Variants in PTCHD4 observed in about 807,000 individuals in gnomAD.
PTCHD4 encodes patched domain containing 4.
Under a neutral mutation model 58.1 loss-of-function variants are expected in PTCHD4, and 33 were observed. That is an observed-to-expected ratio of 0.57 (90% CI 0.43 to 0.76). The LOEUF (loss-of-function observed/expected upper bound fraction) is 0.76, where lower values mean the gene tolerates loss of function less well. PTCHD4 is among the 30% of genes least tolerant of loss of function. The probability of loss-of-function intolerance (pLI) is 0.00; values close to 1 mark genes in which losing one functional copy is unlikely to be tolerated. For missense variants in PTCHD4, 1,058 were observed against 1,027.1 expected, an observed-to-expected ratio of 1.03 and a Z score of -0.41; for synonymous variants, 478 against 409.6, an observed-to-expected ratio of 1.17 and a Z score of -2.02.
At chr6:48,074,354 C>A (rs113331600) in intron 1 of PTCHD4, among the ~76,000 whole-genome samples, 1 of 152,188 alleles carries the variant, frequency 6.6e-6, no homozygotes, top group Non-Finnish European at 1.5e-5. Flanking sequence ...ATTTTCCTCT[C>A]GGCCTTGCCC....
At chr6:47,929,494 G>A (rs1165922714) in intron 4 of PTCHD4, among the ~76,000 whole-genome samples, 1 of 152,202 alleles carries the variant, frequency 6.6e-6, no homozygotes, top group Non-Finnish European at 1.5e-5. Flanking sequence ...TTAAGATGCT[G>A]CCTATTTTGA....
intron 1 of PTCHD4, among the ~76,000 whole-genome samples, chr6:48,092,799 G>T (rs1203760811): frequency 6.6e-6 from 1 of 152,146 alleles, no homozygotes; most frequent in Admixed American, 6.5e-5. Flanking sequence ...ATGGGAATGG[G>T]TCTCAGTGAG....
chr6:48,053,051 T>C (rs936925845), intron 3 of PTCHD4, among the ~76,000 whole-genome samples: 2 of 152,118 alleles, frequency 1.3e-5, no homozygotes, highest in Non-Finnish European at 2.9e-5. Context: ...CTAATTGATA[T>C]TATGTTAATA....
chr6:48,036,579 C>T (rs1257541883), intron 3 of PTCHD4, among the ~76,000 whole-genome samples: 5 of 152,066 alleles, frequency 3.3e-5, no homozygotes, highest in African/African-American at 9.7e-5. Flanking sequence ...TAGTAGCTGC[C>T]ACAGTTATCA....
intron 4 of PTCHD4, among the ~76,000 whole-genome samples, chr6:47,884,128 A>G (rs1358648017): frequency 6.6e-6 from 1 of 151,958 alleles, no homozygotes; most frequent in African/African-American, 2.4e-5. Flanking sequence ...ATGTATGTAT[A>G]TATTCATTTA....
chr6:48,014,491 A>G (rs1377719078), intron 3 of PTCHD4, among the ~76,000 whole-genome samples: 2 of 152,176 alleles, frequency 1.3e-5, no homozygotes, highest in African/African-American at 4.8e-5. Context: ...TGCAGTGTGC[A>G]GCTCACATTA....
At chr6:47,935,921 G>C (rs1765983775) in intron 4 of PTCHD4, among the ~76,000 whole-genome samples, 1 of 152,154 alleles carries the variant, frequency 6.6e-6, no homozygotes, top group South Asian at 2.1e-4. Context: ...TGATTGATAG[G>C]GAGGACTTGG....
chr6:47,902,274 T>C (rs1355202777), intron 4 of PTCHD4, among the ~76,000 whole-genome samples: 12 of 152,216 alleles, frequency 7.9e-5, no homozygotes, highest in African/African-American at 2.2e-4. Flanking sequence ...TTTTGAGGAA[T>C]TACAGAGAGG....
At chr6:47,974,717 A>G (rs1292093904) in intron 4 of PTCHD4, among the ~76,000 whole-genome samples, 1 of 152,216 alleles carries the variant, frequency 6.6e-6, no homozygotes, top group East Asian at 1.9e-4. Context: ...AAGGCATAGC[A>G]TTGTTATTTC....
chr6:47,973,448 A>G (rs988671264), intron 4 of PTCHD4, among the ~76,000 whole-genome samples: 1 of 152,232 alleles, frequency 6.6e-6, no homozygotes, highest in Non-Finnish European at 1.5e-5. Flanking sequence ...CAGTGATTGT[A>G]GCTGGAGATA....
chr6:48,012,140 G>C (rs1762697501), intron 3 of PTCHD4, among the ~76,000 whole-genome samples: 1 of 152,136 alleles, frequency 6.6e-6, no homozygotes, highest in African/African-American at 2.4e-5. Flanking sequence ...GAATAGCATT[G>C]AATCTATAAA....
At chr6:48,096,167 T>C (rs1472883656) in intron 1 of PTCHD4, among the ~76,000 whole-genome samples, 1 of 152,114 alleles carries the variant, frequency 6.6e-6, no homozygotes. Flanking sequence ...AAGGAACTAA[T>C]TATCTGAGGG....
chr6:48,094,111 C>A (rs903292225), intron 1 of PTCHD4, among the ~76,000 whole-genome samples: 1 of 151,970 alleles, frequency 6.6e-6, no homozygotes, highest in Non-Finnish European at 1.5e-5. Context: ...CAAAGTGATT[C>A]TAGAAAAAAT....
intron 4 of PTCHD4, among the ~76,000 whole-genome samples, chr6:48,008,057 C>A (rs1234189302): frequency 6.6e-6 from 1 of 152,050 alleles, no homozygotes. Context: ...TTCATTAATT[C>A]TTTTCACCAA....
rs1231061004 is a variant in PTCHD4 at position 47,866,007 on chromosome 6, G to C, written c.*12296C>G. ...TGCTCAGTCTGGTCCCGTCACATGG[G>C]GTGCTCAGGCCAATAATCTTACCTC... On this transcript the variant is annotated 3_prime_UTR_variant, in exon 5 of 5. Coordinates refer to ENST00000339488, the MANE Select transcript of PTCHD4 (RefSeq NM_001384253.1). 6.6e-6 allele frequency among the ~76,000 whole-genome samples: 1 copy of C among 151,652 alleles called. No individual in the cohort carries two copies. The highest frequency in any genetic ancestry group is 2.4e-5 in the African/African-American group (1 of 41,332).
At chr6:47,919,465 C>G (rs1413976679) in intron 4 of PTCHD4, among the ~76,000 whole-genome samples, 1 of 152,174 alleles carries the variant, frequency 6.6e-6, no homozygotes, top group Non-Finnish European at 1.5e-5. Context: ...TATGGACAGC[C>G]TCTCTGAGGA....
At chr6:47,962,520 T>C (rs1767135484) in intron 4 of PTCHD4, among the ~76,000 whole-genome samples, 1 of 152,080 alleles carries the variant, frequency 6.6e-6, no homozygotes, top group African/African-American at 2.4e-5. Context: ...CATGCTGCTC[T>C]TGTGATAGTG....
chr6:48,002,936 G>A (rs575246084), intron 4 of PTCHD4, among the ~76,000 whole-genome samples: 60 of 151,996 alleles, frequency 3.9e-4, no homozygotes, highest in Admixed American at 5.9e-4. Context: ...AGTTCTTAAC[G>A]GACACAGTTT....
chr6:47,917,096 C>T (rs1052586635), intron 4 of PTCHD4, among the ~76,000 whole-genome samples: 1 of 151,864 alleles, frequency 6.6e-6, no homozygotes, highest in African/African-American at 2.4e-5. Flanking sequence ...TAATTTGTAT[C>T]TTTTTTCCAA....
Sources: gnomAD v4.1 joint callset for allele counts (sites outside exome capture counted in the v4.1 genomes callset) on GRCh38, gnomAD v4.1.1 for gene constraint, MANE v1.5 for transcripts, NCBI Gene and HGNC (gene_info 2026-07-23, HGNC 2026-07-21) for gene names.